The following MAP3K15 variants were observed in gnomAD, a reference collection of about 807,000 sequenced individuals.
MAP3K15 encodes mitogen-activated protein kinase kinase kinase 15.
Under a neutral mutation model 99.5 loss-of-function variants are expected in MAP3K15, and 124 were observed. That is an observed-to-expected ratio of 1.25 (90% CI 1.08 to 1.45). The LOEUF is 1.45. MAP3K15 is among the 40% of genes most tolerant of loss of function. The probability of loss-of-function intolerance (pLI) is 0.00; values close to 1 mark genes in which losing one functional copy is unlikely to be tolerated. For missense variants in MAP3K15, 1,242 were observed against 1,079.7 expected (o/e 1.15, Z -2.11); for synonymous variants, 494 against 439.6 (o/e 1.12, Z -1.55).
chrX:19,464,845 G>A lies in MAP3K15; in HGVS notation c.526-439C>T, dbSNP rs769253030. Among the ~76,000 whole-genome samples the A allele has an allele frequency of 1.3e-4, 14 of 111,467 alleles. No individual in the cohort carries two copies. In the South Asian group the frequency reaches 1.9e-3, roughly 15 times the overall value. On this transcript the variant is annotated intron_variant, in intron 3 of 28. Transcript: ENST00000338883. ...TAGGTGAGCTATTATAAACTTTGTG[G>A]AATAAAAATTGTTTTGTAGGAAGCA...
intron 12 of MAP3K15, among the ~76,000 whole-genome samples, chrX:19,408,855 C>T (rs775951060): frequency 4.8e-4 from 53 of 110,743 alleles, no homozygotes; most frequent in Non-Finnish European, 8.5e-4. Context: ...CCATTTCCCT[C>T]GTGTGGCCAC....
intron 26 of MAP3K15, 138 bp from the exon 27 acceptor site, chrX:19,361,731 G>A (rs889634541): frequency 2.1e-5 from 9 of 437,986 alleles, no homozygotes; most frequent in East Asian, 7.6e-5. Context: ...ACTGAACCAC[G>A]CTAATACGTA....
chrX:19,506,263 T>A (rs934225169), intron 1 of MAP3K15, among the ~76,000 whole-genome samples: 1 of 110,658 alleles, frequency 9.0e-6, no homozygotes, highest in African/African-American at 3.3e-5. Flanking sequence ...AGAGACGGGG[T>A]TTTGCTATGT....
chrX:19,486,427 A>G (rs2064326118), intron 3 of MAP3K15, 55 bp downstream of exon 3: 2 of 568,165 alleles, frequency 3.5e-6, no homozygotes, highest in Non-Finnish European at 5.2e-6. Flanking sequence ...GCATTTTACA[A>G]ATTGACATTT....
intron 11 of MAP3K15, 57 bp downstream of exon 11, chrX:19,413,300 C>T: frequency 1.1e-6 from 1 of 903,276 alleles, no homozygotes; most frequent in Non-Finnish European, 1.6e-6. Context: ...CAAATACTAC[C>T]ATCTAGACTC....
At chrX:19,412,908 A>T (rs1274928483) in intron 11 of MAP3K15, among the ~76,000 whole-genome samples, 1 of 108,227 alleles carries the variant, frequency 9.2e-6, no homozygotes, top group Non-Finnish European at 1.9e-5. Context: ...CTAATTTTTT[A>T]AATTTATTTT....
In MAP3K15 at chrX:19,371,079, A is replaced by G; in HGVS notation, c.3295-15T>C. 1 of 1,065,250 alleles carries G rather than the reference A, an allele frequency of 9.4e-7. No homozygotes were observed. Among genetic ancestry groups the G allele is most frequent in the Non-Finnish European group, 1.2e-6 (1 of 802,760 alleles). 87.8% of individuals were successfully genotyped at this position (1,065,250 alleles called of 1,213,427 possible). On this transcript the variant is annotated splice_polypyrimidine_tract_variant and intron_variant, in intron 23 of 28. Coordinates refer to ENST00000338883, the MANE Select transcript of MAP3K15 (RefSeq NM_001001671.4). ...ATTTTATTTACCTAAAAAAAAAAAA[A>G]ATAATAAAATAAACTAAAATCACAA...
rs182934431 is a variant in MAP3K15, at chrX:19,456,304, G to C, written c.995+609C>G. On this transcript the variant is annotated intron_variant, in intron 6 of 28. Transcript: ENST00000338883. ...ACCAAGGACTACGCGACGGCAATGA[G>C]AACGAACAAACCACTAATACACACA... 6.2e-5 allele frequency among the ~76,000 whole-genome samples: 7 copies of C among 112,020 alleles called. No homozygotes were observed. In the East Asian group the frequency reaches 2.0e-3, roughly 31 times the overall value.
In MAP3K15 at chrX:19,425,519, G is replaced by A; in HGVS notation, c.1439+12C>T. On this transcript the variant is annotated intron_variant, in intron 9 of 28. Transcript: ENST00000338883. ...TTGAGATGGGTGATGACAACACACA[G>A]ACACAACTCACCAGACTGGAGGTTT... The A allele has an allele frequency of 8.4e-7, 1 of 1,189,181 alleles. No individual in the cohort carries two copies. The highest frequency in any genetic ancestry group is 1.8e-5 in the South Asian group (1 of 54,905).
At chrX:19,402,308 A>C (rs1172239475) in intron 13 of MAP3K15, among the ~76,000 whole-genome samples, 1 of 110,367 alleles carries the variant, frequency 9.1e-6, no homozygotes, top group Non-Finnish European at 1.9e-5. Flanking sequence ...GAAAAAAAAT[A>C]AAAGATGATA....
Position 19,374,558 on chromosome X carries a change from T to C in MAP3K15, c.2692A>G (p.Thr898Ala). ...CFEPDPHKRATTAELLREGFL... is the reference protein window; with the variant it reads ...CFEPDPHKRAATAELLREGFL... ...CCCTCTCTCAGTAGCTCAGCAGTGG[T>C]GGCACGTTTGTGGGGGTCAGGCTCG... is the stretch of plus-strand genomic sequence containing the variant. Residue 898 changes from threonine to alanine, a missense_variant, in exon 20 of 29, where the codon ACC (threonine) becomes GCC (alanine). Physicochemically the swap from Thr to Ala is moderately conservative, Grantham distance 58. Transcript: ENST00000338883. The C allele has an allele frequency of 8.3e-7, 1 of 1,211,491 alleles. No homozygotes were observed. Among genetic ancestry groups the C allele is most frequent in the Non-Finnish European group, 1.1e-6 (1 of 895,322 alleles).
chrX:19,417,916 A>C (rs1158666917), intron 9 of MAP3K15, among the ~76,000 whole-genome samples: 1 of 112,192 alleles, frequency 8.9e-6, no homozygotes, highest in East Asian at 2.8e-4. Flanking sequence ...TCTGCTGCTG[A>C]TACCCAGGCA....
chrX:19,436,177 G>A (rs866812784), intron 6 of MAP3K15, among the ~76,000 whole-genome samples: 1 of 104,531 alleles, frequency 9.6e-6, no homozygotes, highest in Non-Finnish European at 2.0e-5. Context: ...AAGAAAGAAA[G>A]AAAAAAAAAA....
intron 1 of MAP3K15, among the ~76,000 whole-genome samples, chrX:19,503,864 C>A (rs925636404): frequency 4.6e-5 from 5 of 109,589 alleles, no homozygotes; most frequent in African/African-American, 1.7e-4. Context: ...CCTGTAATCC[C>A]GGCACTTTGG....
At chrX:19,482,503 A>T (rs1233812049) in intron 3 of MAP3K15, among the ~76,000 whole-genome samples, 1 of 112,270 alleles carries the variant, frequency 8.9e-6, no homozygotes, top group East Asian at 2.8e-4. Flanking sequence ...GATGCAAAAG[A>T]TCACATATTG....
At chrX:19,399,146 T>C (rs754558323) in intron 14 of MAP3K15, among the ~76,000 whole-genome samples, 1 of 112,167 alleles carries the variant, frequency 8.9e-6, no homozygotes, top group African/African-American at 3.2e-5. Flanking sequence ...ACAATTAAGA[T>C]TACTAAAGGG....
chrX:19,479,880 A>C (rs1364079075), intron 3 of MAP3K15, among the ~76,000 whole-genome samples: 1 of 112,696 alleles, frequency 8.9e-6, no homozygotes, highest in Admixed American at 9.4e-5. Flanking sequence ...ACCAGAAGCC[A>C]TTTGTATAGA....
At chrX:19,496,643 G>A (rs2064404528) in intron 1 of MAP3K15, 1 of 111,541 alleles carries the variant, frequency 9.0e-6, no homozygotes, top group African/African-American at 3.3e-5. Flanking sequence ...GAGCTTTCCT[G>A]TTACTGTGAC....
intron 13 of MAP3K15, among the ~76,000 whole-genome samples, chrX:19,406,409 A>T (rs2063647637): frequency 8.9e-6 from 1 of 112,704 alleles, no homozygotes; most frequent in Admixed American, 9.4e-5. Flanking sequence ...TGAAGTACTG[A>T]TACGTGTTAC....
Sources: gnomAD v4.1 joint callset for allele counts (sites outside exome capture counted in the v4.1 genomes callset) on GRCh38, gnomAD v4.1.1 for gene constraint, MANE v1.5 for transcripts, NCBI Gene and HGNC (gene_info 2026-07-23, HGNC 2026-07-21) for gene names.